Variants in FER observed in about 807,000 individuals in gnomAD.
FER encodes FER tyrosine kinase.
A neutral mutation model predicts 111.0 loss-of-function variants in FER; 63 were observed. That is an observed-to-expected ratio of 0.57 (90% CI 0.46 to 0.70). The LOEUF (loss-of-function observed/expected upper bound fraction) is 0.70. FER is among the 30% of genes least tolerant of loss of function. The pLI, the probability that FER is intolerant of heterozygous loss-of-function variation, is 0.00. For missense variants in FER, 914 were observed against 954.0 expected (o/e 0.96, Z 0.55); for synonymous variants, 327 against 313.9 (o/e 1.04, Z -0.44).
At chr5:109,002,201 C>T (rs1430852454) in intron 13 of FER, among the ~76,000 whole-genome samples, 5 of 152,008 alleles carry the variant, frequency 3.3e-5, no homozygotes, top group African/African-American at 1.2e-4. Context: ...CTGGAGGCAT[C>T]ACGCTACCTG....
At chr5:108,897,259 T>C (rs1749284010) in intron 9 of FER, among the ~76,000 whole-genome samples, 1 of 152,158 alleles carries the variant, frequency 6.6e-6, no homozygotes, top group Non-Finnish European at 1.5e-5. Context: ...TATTTTACCC[T>C]AGGCACAGAT....
At chr5:109,071,726 T>C (rs557918747) in intron 16 of FER, among the ~76,000 whole-genome samples, 1 of 152,100 alleles carries the variant, frequency 6.6e-6, no homozygotes, top group African/African-American at 2.4e-5. Context: ...ATTTTTATTA[T>C]GTTTCATTGG....
intron 13 of FER, among the ~76,000 whole-genome samples, chr5:109,033,469 C>G (rs1769925550): frequency 8.3e-6 from 1 of 120,302 alleles, no homozygotes; most frequent in Admixed American, 8.3e-5. Flanking sequence ...GAGTTCCAGG[C>G]TTCTTCAGCA....
At chr5:109,032,345 G>C (rs1769753060) in intron 13 of FER, among the ~76,000 whole-genome samples, 1 of 152,120 alleles carries the variant, frequency 6.6e-6, no homozygotes, top group African/African-American at 2.4e-5. Context: ...ACCCTTCACT[G>C]AACACACTTA....
intron 1 of FER, among the ~76,000 whole-genome samples, chr5:108,754,545 A>T (rs1401550382): frequency 6.6e-6 from 1 of 151,856 alleles, no homozygotes; most frequent in East Asian, 1.9e-4. Context: ...TTTTCTTATC[A>T]TTCTTATAAT....
At chr5:108,847,035 G>A (rs1762096150) in intron 5 of FER, among the ~76,000 whole-genome samples, 2 of 150,674 alleles carry the variant, frequency 1.3e-5, no homozygotes, top group South Asian at 4.2e-4. Flanking sequence ...CCTTCCTTCT[G>A]CTTGCTTTAG....
At chr5:109,030,914 G>A (rs867468322) in intron 13 of FER, among the ~76,000 whole-genome samples, 87 of 152,210 alleles carry the variant, frequency 5.7e-4, no homozygotes, top group African/African-American at 2.0e-3. Context: ...GTTGGGAAGT[G>A]AGATAACAGG....
intron 16 of FER, among the ~76,000 whole-genome samples, chr5:109,057,856 A>G (rs939658174): frequency 2.0e-5 from 3 of 152,222 alleles, no homozygotes; most frequent in Admixed American, 2.0e-4. Flanking sequence ...AAATTGAAGA[A>G]TATTTCTAAA....
At chr5:109,060,888 A>G (rs1258023510) in intron 16 of FER, among the ~76,000 whole-genome samples, 1 of 152,038 alleles carries the variant, frequency 6.6e-6, no homozygotes, top group African/African-American at 2.4e-5. Context: ...CAGTATCATT[A>G]TACTTCATAA....
rs1476320767 is a variant in FER, at chr5:109,191,648, A to G, written c.*4073A>G. The G allele has an allele frequency of 1.3e-5, 2 of 152,172 alleles. No homozygotes were observed. Among genetic ancestry groups the G allele is most frequent in the African/African-American group, 4.8e-5 (2 of 41,452 alleles). The allele number at this position is 152,172 out of a possible 1,614,324, so 9.4% of individuals were successfully genotyped here. A position where few individuals can be genotyped will look rare whatever the true frequency, so the allele number is the denominator to read the frequency against. On this transcript the variant is annotated 3_prime_UTR_variant, in exon 20 of 20. Transcript: ENST00000281092. ...TGAGTTTATATTACATTTCCATTATACTAAGTCAGTGTGAAAGTTTACCAT... is the reference window on the plus strand; with the variant it reads ...TGAGTTTATATTACATTTCCATTATGCTAAGTCAGTGTGAAAGTTTACCAT...
intron 1 of FER, among the ~76,000 whole-genome samples, chr5:108,764,912 C>G (rs1254398465): frequency 1.3e-5 from 2 of 152,104 alleles, no homozygotes; most frequent in Non-Finnish European, 2.9e-5. Context: ...CTTTTAGGGT[C>G]ATGCAGCTGC....
chr5:109,135,693 A>T (rs1341060671), intron 17 of FER, among the ~76,000 whole-genome samples: 1 of 151,864 alleles, frequency 6.6e-6, no homozygotes, highest in African/African-American at 2.4e-5. Context: ...CAGGACTCCC[A>T]CTCTAAGCCT....
chr5:108,995,961 A>T (rs1360326603), intron 13 of FER, among the ~76,000 whole-genome samples: 2 of 152,110 alleles, frequency 1.3e-5, no homozygotes, highest in Non-Finnish European at 2.9e-5. Flanking sequence ...CACCATTCTA[A>T]CTGGTGTGAG....
At chr5:109,171,026 A>G (rs1308529259) in intron 17 of FER, among the ~76,000 whole-genome samples, 1 of 152,166 alleles carries the variant, frequency 6.6e-6, no homozygotes, top group African/African-American at 2.4e-5. Context: ...ATTCAGCATC[A>G]CCTGATACAG....
At chr5:108,943,070 AT>A (rs1756487445) in intron 10 of FER, among the ~76,000 whole-genome samples, 1 of 152,150 alleles carries the variant, frequency 6.6e-6, no homozygotes, top group South Asian at 2.1e-4. Flanking sequence ...AAGACCCGTT[AT>A]TAACAACAAC....
At chr5:108,790,789 C>T (rs1755278348) in intron 2 of FER, among the ~76,000 whole-genome samples, 1 of 152,178 alleles carries the variant, frequency 6.6e-6, no homozygotes, top group African/African-American at 2.4e-5. Context: ...AAATCCAGCA[C>T]CCACTAACAG....
At chr5:108,806,272 G>C (rs919752138) in intron 3 of FER, among the ~76,000 whole-genome samples, 3 of 152,232 alleles carry the variant, frequency 2.0e-5, no homozygotes, top group African/African-American at 7.2e-5. Context: ...AGATTTCTGA[G>C]GATGTGTGGA....
chr5:109,104,072 T>C (rs543183594), intron 17 of FER, among the ~76,000 whole-genome samples: 1 of 152,184 alleles, frequency 6.6e-6, no homozygotes, highest in African/African-American at 2.4e-5. Context: ...AAAAGATATA[T>C]TTTGGAGGGG....
intron 17 of FER, among the ~76,000 whole-genome samples, chr5:109,163,681 G>A (rs910320512): frequency 1.3e-5 from 2 of 152,016 alleles, no homozygotes; most frequent in Non-Finnish European, 2.9e-5. Flanking sequence ...TCCTGCGCTC[G>A]ATCCTCCTGC....
Sources: allele counts gnomAD v4.1 joint callset (sites outside exome capture counted in the v4.1 genomes callset), GRCh38; gene constraint gnomAD v4.1.1; transcripts MANE v1.5; gene names NCBI Gene and HGNC (gene_info 2026-07-23, HGNC 2026-07-21).